Variants in NCK2 observed in about 807,000 individuals in gnomAD.
The protein encoded by NCK2 is NCK adaptor protein 2.
Under a neutral mutation model 33.9 loss-of-function variants are expected in NCK2, and 16 were observed. That is an observed-to-expected ratio of 0.47 (90% CI 0.32 to 0.72). NCK2 has a LOEUF of 0.72. Ranked by LOEUF, NCK2 falls within the 30% of genes least tolerant of loss-of-function variation. The pLI, the probability that NCK2 is intolerant of heterozygous loss-of-function variation, is 0.03. For synonymous variants in NCK2, 273 were observed against 239.9 expected, an observed-to-expected ratio of 1.14 and a Z score of -1.27; for missense variants, 418 against 537.3, an observed-to-expected ratio of 0.78 and a Z score of 2.19.
chr2:105,772,894 C>T (rs1362848294), intron 1 of NCK2, among the ~76,000 whole-genome samples: 4 of 62,184 alleles, frequency 6.4e-5, no homozygotes, highest in Non-Finnish European at 1.3e-4. Context: ...CACGTGTCCA[C>T]ATTTTTTTTT....
chr2:105,817,383 C>T (rs1439074279), intron 2 of NCK2, among the ~76,000 whole-genome samples: 1 of 152,122 alleles, frequency 6.6e-6, no homozygotes, highest in African/African-American at 2.4e-5. Flanking sequence ...TATTTCTTAG[C>T]CCTAACATCT....
Position 105,855,265 on chromosome 2 carries a change from G to A in NCK2, c.202G>A (p.Val68Met), listed in dbSNP as rs1404717219. 5 of 1,609,174 alleles carry A rather than the reference G, an allele frequency of 3.1e-6. No homozygotes were observed. The highest frequency in any genetic ancestry group is 3.4e-6 in the Non-Finnish European group (4 of 1,177,804). The change falls in exon 3 of 5, where the codon GTG (valine) becomes ATG (methionine). Residue 68 changes from valine (V) to methionine (M), a missense_variant. Physicochemically the swap from Val to Met is conservative, Grantham distance 21. Coordinates refer to ENST00000233154, the MANE Select transcript of NCK2 (RefSeq NM_003581.5). ...GAACAGCCTGAAGAAGGGCTCCCTC[G>A]TGAAGAACCTGAAGGACACACTAGG... ...RKNSLKKGSL[V>M]KNLKDTLGLG...
At chr2:105,837,125 G>C (rs1214784962) in intron 2 of NCK2, among the ~76,000 whole-genome samples, 1 of 152,156 alleles carries the variant, frequency 6.6e-6, no homozygotes, top group East Asian at 1.9e-4. Context: ...CCCTCGGAGG[G>C]TCTTGTTGCT....
At chr2:105,863,552 T>A (rs1248223908) in intron 3 of NCK2, among the ~76,000 whole-genome samples, 1 of 152,122 alleles carries the variant, frequency 6.6e-6, no homozygotes, top group African/African-American at 2.4e-5. Context: ...CTGGTCGGGA[T>A]GTGAAGGAAG....
intron 3 of NCK2, among the ~76,000 whole-genome samples, chr2:105,858,457 T>C (rs1437006875): frequency 1.3e-5 from 2 of 152,176 alleles, no homozygotes. Context: ...CCATGTTGCC[T>C]GGGCTGATCT....
chr2:105,869,792 A>G (rs1217714789), intron 3 of NCK2, among the ~76,000 whole-genome samples: 1 of 152,210 alleles, frequency 6.6e-6, no homozygotes, highest in Non-Finnish European at 1.5e-5. Context: ...GTTGAGAGGT[A>G]CTAAATATGT....
chr2:105,864,575 C>G (rs963919526), intron 3 of NCK2, among the ~76,000 whole-genome samples: 1 of 152,052 alleles, frequency 6.6e-6, no homozygotes, highest in Non-Finnish European at 1.5e-5. Flanking sequence ...TTGGGAGGTA[C>G]ACAGTTATCC....
intron 1 of NCK2, among the ~76,000 whole-genome samples, chr2:105,807,747 T>TTCCCCCCCTCCCTCCCTTCCC (rs1675112730): frequency 4.1e-5 from 1 of 24,398 alleles, no homozygotes; most frequent in Non-Finnish European, 7.8e-5. Context: ...CCTTCCTTCC[T>TTCCCCCCCTCCCTCCCTTCCC]TCCCTCCCTC....
intron 3 of NCK2, among the ~76,000 whole-genome samples, chr2:105,862,873 C>T (rs1011480973): frequency 6.6e-6 from 1 of 152,196 alleles, no homozygotes; most frequent in East Asian, 1.9e-4. Context: ...TACCCTAGGC[C>T]GTAAAGGTAG....
At chr2:105,872,258 C>T (rs779398281) in intron 3 of NCK2, among the ~76,000 whole-genome samples, 1 of 152,184 alleles carries the variant, frequency 6.6e-6, no homozygotes. Flanking sequence ...CTGCTGCTTG[C>T]ACGCTGTCAC....
intron 2 of NCK2, among the ~76,000 whole-genome samples, chr2:105,822,569 T>C (rs559783663): frequency 6.6e-6 from 1 of 152,000 alleles, no homozygotes; most frequent in South Asian, 2.1e-4. Context: ...TATTTTCTCT[T>C]AGTTGTGGTG....
chr2:105,828,969 C>CT (rs1676061901), intron 2 of NCK2, among the ~76,000 whole-genome samples: 1 of 152,142 alleles, frequency 6.6e-6, no homozygotes, highest in Non-Finnish European at 1.5e-5. Context: ...TGAGCTGATT[C>CT]TTTATTTCAG....
At chr2:105,818,062 A>G (rs949634523) in intron 2 of NCK2, among the ~76,000 whole-genome samples, 2 of 152,082 alleles carry the variant, frequency 1.3e-5, no homozygotes, top group African/African-American at 4.8e-5. Flanking sequence ...GATTAAGAAA[A>G]TGTGGCACAT....
At chr2:105,869,717 T>C (rs377077909) in intron 3 of NCK2, among the ~76,000 whole-genome samples, 2 of 152,234 alleles carry the variant, frequency 1.3e-5, no homozygotes. Context: ...TGTCTCATCC[T>C]TGCCGCGTCT....
chr2:105,784,822 CAA>C (rs1424647515), intron 1 of NCK2, among the ~76,000 whole-genome samples: 1 of 152,198 alleles, frequency 6.6e-6, no homozygotes, highest in Non-Finnish European at 1.5e-5. Flanking sequence ...AGAATATGCA[CAA>C]AGAGTGTGTC....
At chr2:105,870,813 C>G (rs1293312201) in intron 3 of NCK2, among the ~76,000 whole-genome samples, 1 of 152,056 alleles carries the variant, frequency 6.6e-6, no homozygotes, top group South Asian at 2.1e-4. Context: ...TGGGGAAATT[C>G]AGGGTGGTTC....
At chr2:105,765,667 T>G (rs926530477) in intron 1 of NCK2, among the ~76,000 whole-genome samples, 4 of 67,648 alleles carry the variant, frequency 5.9e-5, no homozygotes, top group Non-Finnish European at 1.4e-4. Flanking sequence ...GGGTAGTGGG[T>G]TTTTTTTTTA....
chr2:105,874,328 T>TA (rs1183732386), intron 3 of NCK2, among the ~76,000 whole-genome samples: 2 of 152,246 alleles, frequency 1.3e-5, no homozygotes, highest in Non-Finnish European at 2.9e-5. Context: ...TTCTGACTCT[T>TA]ATATGGAAAT....
intron 3 of NCK2, among the ~76,000 whole-genome samples, chr2:105,858,985 T>A (rs1677403227): frequency 6.6e-6 from 1 of 152,188 alleles, no homozygotes; most frequent in African/African-American, 2.4e-5. Flanking sequence ...GCTGGCAGAA[T>A]CCAGTTGATG....
Sources: allele counts gnomAD v4.1 joint callset (sites outside exome capture counted in the v4.1 genomes callset), GRCh38; gene constraint gnomAD v4.1.1; transcripts MANE v1.5; gene names NCBI Gene and HGNC (gene_info 2026-07-23, HGNC 2026-07-21).